PKIG: variants seen among roughly 807,000 people sequenced by gnomAD.
PKIG encodes protein kinase (cAMP-dependent, catalytic) inhibitor gamma.
A neutral mutation model predicts 6.8 loss-of-function variants in PKIG; 1 was observed. The observed-to-expected ratio is 0.15, with a 90% CI of 0.05 to 0.69. The LOEUF (loss-of-function observed/expected upper bound fraction) is 0.69, where lower values mean the gene tolerates loss of function less well. Among genes scored for constraint, PKIG ranks in the 30% least tolerant of loss-of-function variants. The pLI, the probability that PKIG is intolerant of heterozygous loss-of-function variation, is 0.82. For synonymous variants in PKIG, 39 were observed against 43.0 expected (o/e 0.91, Z 0.36); for missense variants, 77 against 104.0 (o/e 0.74, Z 1.13).
intron 2 of PKIG, among the ~76,000 whole-genome samples, chr20:44,608,653 G>GA (rs1012092238): frequency 1.3e-5 from 2 of 151,490 alleles, no homozygotes; most frequent in Non-Finnish European, 2.9e-5. Context: ...TCCCATCCCT[G>GA]AAAAAAAATG....
chr20:44,587,860 T>C (rs930921448), intron 1 of PKIG, among the ~76,000 whole-genome samples: 1 of 152,218 alleles, frequency 6.6e-6, no homozygotes, highest in Non-Finnish European at 1.5e-5. Flanking sequence ...ATCACTACTA[T>C]CTGCAATTGG....
chr20:44,536,507 T>TCTC (rs1219520640), intron 1 of PKIG, among the ~76,000 whole-genome samples: 2 of 152,148 alleles, frequency 1.3e-5, no homozygotes, highest in Non-Finnish European at 2.9e-5. Flanking sequence ...TCAACAGGAC[T>TCTC]TGACCAACAA....
intron 1 of PKIG, among the ~76,000 whole-genome samples, chr20:44,563,958 C>A (rs1428153403): frequency 6.6e-6 from 1 of 152,174 alleles, no homozygotes; most frequent in Non-Finnish European, 1.5e-5. Context: ...TTTTGCCATG[C>A]AGAATATTTT....
chr20:44,607,377 A>ATTTTTT (rs59226646), intron 2 of PKIG, among the ~76,000 whole-genome samples: 2 of 94,226 alleles, frequency 2.1e-5, no homozygotes, highest in Non-Finnish European at 3.8e-5. Context: ...ATATATATAT[A>ATTTTTT]TTTTTTTTTT....
At chr20:44,532,245 T>G (rs1345151546) in intron 1 of PKIG, among the ~76,000 whole-genome samples, 1 of 152,188 alleles carries the variant, frequency 6.6e-6, no homozygotes, top group Non-Finnish European at 1.5e-5. Context: ...AATCCCTTCT[T>G]GTTTGGGGGC....
At chr20:44,540,562 TG>T (rs1411119478) in intron 1 of PKIG, among the ~76,000 whole-genome samples, 1 of 150,600 alleles carries the variant, frequency 6.6e-6, no homozygotes, top group African/African-American at 2.4e-5. Context: ...GTTTTTGTTT[TG>T]TTTTTTTTTG....
At chr20:44,591,382 A>T (rs1199459415) in intron 2 of PKIG, among the ~76,000 whole-genome samples, 1 of 152,044 alleles carries the variant, frequency 6.6e-6, no homozygotes, top group Non-Finnish European at 1.5e-5. Flanking sequence ...TAAGCAGGGG[A>T]GAGTTGTGAG....
chr20:44,540,385 C>A (rs1451615845), intron 1 of PKIG, among the ~76,000 whole-genome samples: 1 of 152,106 alleles, frequency 6.6e-6, no homozygotes, highest in East Asian at 1.9e-4. Context: ...TAAAATTATG[C>A]AATATATTGA....
intron 2 of PKIG, among the ~76,000 whole-genome samples, chr20:44,607,451 A>C (rs1568833702): frequency 7.1e-6 from 1 of 141,542 alleles, no homozygotes; most frequent in Non-Finnish European, 1.5e-5. Flanking sequence ...ATCCCGGCTC[A>C]CTGCAGCCTC....
At chr20:44,557,071 G>C (rs531684399) in intron 1 of PKIG, among the ~76,000 whole-genome samples, 1 of 152,092 alleles carries the variant, frequency 6.6e-6, no homozygotes, top group African/African-American at 2.4e-5. Flanking sequence ...TATTAAGGTC[G>C]TATATAAATA....
intron 1 of PKIG, among the ~76,000 whole-genome samples, chr20:44,565,703 A>G (rs373493448): frequency 6.6e-5 from 10 of 152,290 alleles, no homozygotes; most frequent in East Asian, 1.9e-4. Context: ...AGCAACTACT[A>G]CTGGGTTTGA....
chr20:44,550,279 C>T (rs1432123481), intron 1 of PKIG, among the ~76,000 whole-genome samples: 1 of 151,262 alleles, frequency 6.6e-6, no homozygotes, highest in Non-Finnish European at 1.5e-5. Flanking sequence ...CTTTATTTCT[C>T]AATATAAACT....
At chr20:44,537,065 G>C (rs1441560963) in intron 1 of PKIG, among the ~76,000 whole-genome samples, 1 of 152,096 alleles carries the variant, frequency 6.6e-6, no homozygotes, top group African/African-American at 2.4e-5. Context: ...AAGTAGCTGG[G>C]ATTACAAGCA....
chr20:44,561,363 C>A lies in PKIG; in HGVS notation c.-240-21222C>A, dbSNP rs193147570. Among the ~76,000 whole-genome samples the A allele has an allele frequency of 2.0e-3, 309 of 152,080 alleles. 5 individuals carry two copies. The highest frequency in any genetic ancestry group is 7.3e-3 in the African/African-American group (302 of 41,512). On this transcript the variant is annotated intron_variant, in intron 1 of 4. Transcript: ENST00000372887. ...AAAAAAAAAAGTCAGTAAGTAGACACTGTCAAAAGTGACAGCAGATTTGAA... is the reference window on the plus strand; with the variant it reads ...AAAAAAAAAAGTCAGTAAGTAGACAATGTCAAAAGTGACAGCAGATTTGAA...
Position 44,618,732 on chromosome 20 carries a change from A to C in PKIG, c.*368A>C. On this transcript the variant is annotated 3_prime_UTR_variant, in exon 4 of 4. Transcript: ENST00000372886. ...GCAGGGACCCTGTCCCAACACCAAC[A>C]CCTCCTCTCCAGCCCAATCTTCTGG... 1.1e-5 allele frequency: 2 copies of C among 182,932 alleles called. No homozygotes were observed. Among genetic ancestry groups the C allele is most frequent in the Non-Finnish European group, 2.3e-5 (2 of 86,846 alleles). 11.3% of individuals were successfully genotyped at this position (182,932 alleles called of 1,614,324 possible).
At chr20:44,587,778 A>G (rs2123371408) in intron 1 of PKIG, among the ~76,000 whole-genome samples, 1 of 152,258 alleles carries the variant, frequency 6.6e-6, no homozygotes, top group African/African-American at 2.4e-5. Flanking sequence ...TTTAGCTCTA[A>G]TTTTAATTTC....
At chr20:44,591,977 C>T (rs73909546) in intron 2 of PKIG, among the ~76,000 whole-genome samples, 9,073 of 152,150 alleles carry the variant, frequency 0.06, 415 homozygotes, top group African/African-American at 0.13. Context: ...CAAGAAGGAC[C>T]GGTCTACAGA....
chr20:44,577,174 A>G (rs2064905970), intron 1 of PKIG, among the ~76,000 whole-genome samples: 1 of 151,934 alleles, frequency 6.6e-6, no homozygotes, highest in Admixed American at 6.6e-5. Flanking sequence ...CTGTGGCATG[A>G]TCTCATCTCA....
intron 1 of PKIG, among the ~76,000 whole-genome samples, chr20:44,552,404 A>G (rs140753210): frequency 6.6e-6 from 1 of 152,310 alleles, no homozygotes; most frequent in East Asian, 1.9e-4. Flanking sequence ...GATCTTGGAA[A>G]TAGAGAGATG....
Sources: gnomAD v4.1 joint callset for allele counts (sites outside exome capture counted in the v4.1 genomes callset) on GRCh38, gnomAD v4.1.1 for gene constraint, MANE v1.5 for transcripts, NCBI Gene and HGNC (gene_info 2026-07-23, HGNC 2026-07-21) for gene names.